CTNNA3: variants seen among roughly 807,000 people sequenced by gnomAD.
CTNNA3 encodes catenin alpha-3.
A neutral mutation model predicts 95.7 loss-of-function variants in CTNNA3; 76 were observed. That is an observed-to-expected ratio of 0.79 (90% CI 0.66 to 0.96). CTNNA3 has a LOEUF of 0.96. Ranked by LOEUF, CTNNA3 falls within the 40% of genes least tolerant of loss-of-function variation. The pLI is 0.00. For synonymous variants in CTNNA3, 431 were observed against 374.4 expected (o/e 1.15, Z -1.74); for missense variants, 1,191 against 1,089.8 (o/e 1.09, Z -1.31).
intron 7 of CTNNA3, among the ~76,000 whole-genome samples, chr10:66,990,817 T>C (rs1850999374): frequency 6.6e-6 from 1 of 152,212 alleles, no homozygotes; most frequent in Non-Finnish European, 1.5e-5. Context: ...CCAATACAGA[T>C]ATCCTATTCA....
At chr10:66,815,441 A>G (rs560034904) in intron 7 of CTNNA3, among the ~76,000 whole-genome samples, 1 of 152,274 alleles carries the variant, frequency 6.6e-6, no homozygotes, top group African/African-American at 2.4e-5. Flanking sequence ...TCAAAGCCCC[A>G]TTCCTCAAGA....
At chr10:67,127,924 C>A (rs1426753722) in intron 7 of CTNNA3, among the ~76,000 whole-genome samples, 2 of 152,018 alleles carry the variant, frequency 1.3e-5, no homozygotes, top group East Asian at 3.9e-4. Context: ...GCATGTGTAT[C>A]AAAAAGAGCT....
intron 7 of CTNNA3, among the ~76,000 whole-genome samples, chr10:66,817,186 C>T (rs1842121204): frequency 6.6e-6 from 1 of 151,824 alleles, no homozygotes; most frequent in Non-Finnish European, 1.5e-5. Flanking sequence ...TTCATGTAAC[C>T]AAACACCACC....
chr10:66,790,357 G>A (rs1298090995), intron 7 of CTNNA3, among the ~76,000 whole-genome samples: 4 of 152,088 alleles, frequency 2.6e-5, no homozygotes, highest in Non-Finnish European at 5.9e-5. Flanking sequence ...ACTGAGGAAG[G>A]AGAATCGCTT....
At chr10:67,098,798 G>A (rs1351125867) in intron 7 of CTNNA3, 3 of 151,802 alleles carry the variant, frequency 2.0e-5, no homozygotes, top group Admixed American at 2.0e-4. Flanking sequence ...TTGTACAGTA[G>A]CAATTTTTAT....
rs141085275 is a variant in CTNNA3, at chr10:66,137,605, G to A, written c.1885-34356C>T. On this transcript the variant is annotated intron_variant, in intron 13 of 17. Coordinates refer to ENST00000433211, the MANE Select transcript of CTNNA3 (RefSeq NM_013266.4). ...ATCTGTTAAGTATAATAATATTGAG[G>A]TTATACTGGAGAATGCCATTGATTT... Among the ~76,000 whole-genome samples, 332 of 152,158 alleles carry A rather than the reference G, an allele frequency of 2.2e-3. 2 individuals are homozygous for A. The highest frequency in any genetic ancestry group is 7.4e-3 in the African/African-American group (307 of 41,492).
intron 13 of CTNNA3, among the ~76,000 whole-genome samples, chr10:66,242,470 C>G (rs10997002): frequency 6.6e-6 from 1 of 151,692 alleles, no homozygotes; most frequent in Non-Finnish European, 1.5e-5. Context: ...CAAGAACATA[C>G]GAAGAACTGC....
intron 9 of CTNNA3, among the ~76,000 whole-genome samples, chr10:66,694,384 C>T (rs1211728218): frequency 6.6e-6 from 1 of 152,124 alleles, no homozygotes; most frequent in African/African-American, 2.4e-5. Flanking sequence ...AATTCCTCGA[C>T]ACATACACCC....
intron 12 of CTNNA3, among the ~76,000 whole-genome samples, chr10:66,360,784 T>TCTTCCTTC (rs1234588454): frequency 1.1e-4 from 6 of 52,812 alleles, no homozygotes; most frequent in Middle Eastern, 9.6e-3. Context: ...TTTCTTTCTT[T>TCTTCCTTC]CTTCCTTCCT....
chr10:66,545,141 A>G (rs1841997260), intron 10 of CTNNA3, among the ~76,000 whole-genome samples: 1 of 152,076 alleles, frequency 6.6e-6, no homozygotes, highest in African/African-American at 2.4e-5. Flanking sequence ...ACAAAAATTA[A>G]AAGTCTATAA....
chr10:66,930,767 T>C (rs1217691894), intron 7 of CTNNA3, among the ~76,000 whole-genome samples: 2 of 152,120 alleles, frequency 1.3e-5, no homozygotes, highest in African/African-American at 4.8e-5. Flanking sequence ...TTTTGAAAGC[T>C]GTCACTTTTT....
chr10:66,090,199 G>T (rs77389612), intron 14 of CTNNA3, among the ~76,000 whole-genome samples: 190 of 152,066 alleles, frequency 1.2e-3, no homozygotes, highest in African/African-American at 4.3e-3. Flanking sequence ...ATTCATGAAA[G>T]AATCCCATGT....
intron 1 of CTNNA3, among the ~76,000 whole-genome samples, chr10:67,658,036 C>T (rs1396814797): frequency 6.6e-6 from 1 of 152,020 alleles, no homozygotes; most frequent in African/African-American, 2.4e-5. Flanking sequence ...GACATCCTTT[C>T]GCTTCACCCT....
intron 12 of CTNNA3, among the ~76,000 whole-genome samples, chr10:66,312,777 C>T (rs1486542049): frequency 6.6e-6 from 1 of 152,034 alleles, no homozygotes; most frequent in Non-Finnish European, 1.5e-5. Flanking sequence ...AATCTCCTGA[C>T]CTCGTGATAC....
intron 13 of CTNNA3, among the ~76,000 whole-genome samples, chr10:66,211,804 A>G (rs1386991798): frequency 6.6e-6 from 1 of 152,134 alleles, no homozygotes. Context: ...ATTCCACAAC[A>G]GAGTTGCAAT....
At chr10:67,630,692 G>C (rs1441458217) in intron 2 of CTNNA3, among the ~76,000 whole-genome samples, 1 of 152,146 alleles carries the variant, frequency 6.6e-6, no homozygotes, top group Non-Finnish European at 1.5e-5. Flanking sequence ...ACAATACTTA[G>C]AGGTGAACGA....
At chr10:67,133,378 TAC>T (rs71006130) in intron 7 of CTNNA3, among the ~76,000 whole-genome samples, 2,283 of 133,504 alleles carry the variant, frequency 0.017, 75 homozygotes, top group East Asian at 0.084. Context: ...TATATATATA[TAC>T]ACACACACAC....
chr10:66,614,771 C>T (rs766680034), intron 10 of CTNNA3, among the ~76,000 whole-genome samples: 14 of 151,872 alleles, frequency 9.2e-5, no homozygotes, highest in Non-Finnish European at 1.5e-4. Context: ...CAAACTAGAC[C>T]GTGATTGGAA....
At chr10:66,177,458 A>T (rs1351334141) in intron 13 of CTNNA3, among the ~76,000 whole-genome samples, 1 of 151,842 alleles carries the variant, frequency 6.6e-6, no homozygotes, top group Non-Finnish European at 1.5e-5. Context: ...GGAGGGATCT[A>T]TTTTTTTCAG....
Sources: allele counts gnomAD v4.1 joint callset (sites outside exome capture counted in the v4.1 genomes callset), GRCh38; gene constraint gnomAD v4.1.1; transcripts MANE v1.5; gene names NCBI Gene and HGNC (gene_info 2026-07-23, HGNC 2026-07-21).